Variants in AKAP8 observed in about 807,000 individuals in gnomAD.
The protein encoded by AKAP8 is A-kinase anchoring protein 8.
AKAP8 carries 24 observed loss-of-function variants against 67.5 expected under a neutral mutation model. The ratio of observed to expected loss-of-function variants is 0.36; its 90% CI spans 0.26 to 0.50. The LOEUF (loss-of-function observed/expected upper bound fraction) is 0.50. AKAP8 is among the 20% of genes least tolerant of loss of function. The probability of loss-of-function intolerance (pLI) is 0.97; values close to 1 mark genes in which losing one functional copy is unlikely to be tolerated. For missense variants in AKAP8, 971 were observed against 955.9 expected (o/e 1.02, Z -0.21); for synonymous variants, 400 against 371.1 (o/e 1.08, Z -0.90).
rs745410158 is a variant in AKAP8 at position 15,355,176 on chromosome 19, G to C, written c.1818C>G (p.Asp606Glu). Residue 606 changes from aspartate (D) to glutamate (E), a missense_variant, in exon 14 of 14, where the codon GAC becomes GAG. Physicochemically the swap from Asp to Glu is conservative, Grantham distance 45. Transcript: ENST00000269701. ...APESSGEPAE[D>E]EGPTDTAEAG... ...CCTCCGCTGTGTCCGTGGGGCCTTC[G>C]TCCTCAGCCGGCTCCCCGCTGCTCT... 3 of 1,612,098 alleles carry C rather than the reference G, an allele frequency of 1.9e-6. No individual in the cohort carries two copies. The highest frequency in any genetic ancestry group is 2.2e-5 in the South Asian group (2 of 91,090).
intron 9 of AKAP8, among the ~76,000 whole-genome samples, chr19:15,362,613 G>A (rs1306593850): frequency 1.3e-5 from 2 of 151,134 alleles, no homozygotes; most frequent in Non-Finnish European, 3.0e-5. Context: ...GCCAGCCTCG[G>A]CCTCCCGAGG....
chr19:15,359,332 A>C (rs372958584), intron 12 of AKAP8, among the ~76,000 whole-genome samples: 30 of 152,276 alleles, frequency 2.0e-4, no homozygotes, highest in African/African-American at 7.2e-4. Context: ...AAGAGCATTT[A>C]CAAATGAAAG....
At chr19:15,365,072 C>G (rs570808655) in intron 9 of AKAP8, among the ~76,000 whole-genome samples, 12 of 152,314 alleles carry the variant, frequency 7.9e-5, no homozygotes, top group African/African-American at 2.9e-4. Flanking sequence ...TGCAGCCCCT[C>G]TGGCCCCAAA....
At position 15,372,316 on chromosome 19, in the gene AKAP8, G is replaced by C. The variant is rs199931184; in HGVS notation, c.893C>G (p.Pro298Arg). 23 of 1,614,148 alleles carry C rather than the reference G, an allele frequency of 1.4e-5. No individual in the cohort carries two copies. The highest frequency in any genetic ancestry group is 1.9e-5 in the Non-Finnish European group (22 of 1,180,042). ...PKRRGFDRFG[P>R]DGTGRKRKQF... The stretch of plus-strand genomic sequence containing the variant: ...CTTCCGTTTCCTGCCCGTGCCATCT[G>C]GTCCGAAGCGGTCAAACCCTCTCCT... Residue 298 changes from proline (P) to arginine (R), a missense_variant, in exon 6 of 14, where the codon CCA (proline) becomes CGA (arginine). Coordinates refer to ENST00000269701, the MANE Select transcript of AKAP8 (RefSeq NM_005858.4).
Position 15,369,973 on chromosome 19 carries a change from A to G in AKAP8, c.1072+173T>C, listed in dbSNP as rs1967127564. 6.6e-6 allele frequency among the ~76,000 whole-genome samples: 1 copy of G among 152,104 alleles called. No homozygotes were observed. The highest frequency in any genetic ancestry group is 1.5e-5 in the Non-Finnish European group (1 of 68,018). ...GTAAATGCTGCCCCAGACACTTTGA[A>G]GCAAAGTGTTGGCTGATCGCCACGG... is the stretch of plus-strand genomic sequence containing the variant. On this transcript the variant is annotated intron_variant, in intron 8 of 13. Transcript: ENST00000269701. The surrounding 1 kb of genome is among the most constrained non-coding windows in gnomAD (Gnocchi z 4.6).
At chr19:15,355,938 G>C in intron 13 of AKAP8, among the ~76,000 whole-genome samples, 1 of 151,948 alleles carries the variant, frequency 6.6e-6, no homozygotes, top group East Asian at 1.9e-4. Context: ...GTTTCACCAT[G>C]TTGGGCAGAC....
chr19:15,374,471 C>T (rs1967217792), intron 3 of AKAP8, 132 bp downstream of exon 3: 2 of 1,112,054 alleles, frequency 1.8e-6, no homozygotes, highest in Non-Finnish European at 2.5e-6. Context: ...ACAACAGCAG[C>T]CGTGGCTGAC....
chr19:15,360,643 C>T (rs748355127), intron 12 of AKAP8, among the ~76,000 whole-genome samples: 128 of 152,216 alleles, frequency 8.4e-4, no homozygotes, highest in Non-Finnish European at 1.4e-3. Context: ...AGAATCTCAG[C>T]TACTGCATTT....
At position 15,379,435 on chromosome 19, in the gene AKAP8, T is replaced by C. The variant is rs932467292; in HGVS notation, c.19+278A>G. ...TGAGGGGCAAAAACGGCCCACACTG[T>C]CTAAGACGCCCCCACGAAGCCCACC... On this transcript the variant is annotated intron_variant, in intron 1 of 13. Transcript: ENST00000269701. 1.6e-5 allele frequency: 7 copies of C among 450,308 alleles called. No individual in the cohort carries two copies. The East Asian group carries it at 2.3e-4, about 15-fold the overall frequency. The allele number at this position is 450,308 out of a possible 1,614,324, so 27.9% of individuals were successfully genotyped here.
chr19:15,379,530 C>T, intron 1 of AKAP8, 183 bp downstream of exon 1: 2 of 594,790 alleles, frequency 3.4e-6, no homozygotes, highest in Non-Finnish European at 5.4e-6. Context: ...CACGCAGAGC[C>T]CCGGGAGCGA....
intron 8 of AKAP8, chr19:15,368,705 G>A (rs749269062): frequency 2.0e-6 from 2 of 985,282 alleles, no homozygotes; most frequent in Non-Finnish European, 2.4e-6. Context: ...CGGATGAAGA[G>A]GCGGCAGCTG....
chr19:15,366,826 C>T (rs1462454952), intron 9 of AKAP8, among the ~76,000 whole-genome samples: 2 of 152,126 alleles, frequency 1.3e-5, no homozygotes, highest in Non-Finnish European at 2.9e-5. Context: ...TCAGGCTGGT[C>T]TCGAACTCCC....
intron 1 of AKAP8, 37 bp downstream of exon 1, chr19:15,379,676 T>G (rs1360315013): frequency 6.2e-7 from 1 of 1,600,962 alleles, no homozygotes; most frequent in South Asian, 1.1e-5. Context: ...GCACAGAGCC[T>G]TCCCTCCCCG....
chr19:15,369,336 G>A lies in AKAP8; in HGVS notation c.1072+810C>T, dbSNP rs758161387. 1 of 885,660 alleles carries A rather than the reference G, an allele frequency of 1.1e-6. No homozygotes were observed. The highest frequency in any genetic ancestry group is 1.4e-6 in the Non-Finnish European group (1 of 738,880). The allele number at this position is 885,660 out of a possible 1,614,324, so 54.9% of individuals were successfully genotyped here. A position where few individuals can be genotyped will look rare whatever the true frequency, so the allele number is the denominator to read the frequency against. The stretch of plus-strand genomic sequence containing the variant: ...GGTCGCGGGGGGGAGGACCGCAGAG[G>A]GCTGGCAAAGCCTGAACAGGAGGAA... On this transcript the variant is annotated intron_variant, in intron 8 of 13. Coordinates refer to ENST00000269701, the MANE Select transcript of AKAP8 (RefSeq NM_005858.4). This position sits in a 1 kb window ranked among gnomAD's most constrained non-coding sequence, Gnocchi z 4.6.
intron 9 of AKAP8, among the ~76,000 whole-genome samples, chr19:15,363,718 C>G (rs554557602): frequency 1.3e-5 from 2 of 152,050 alleles, no homozygotes; most frequent in Non-Finnish European, 2.9e-5. Context: ...AATAGAAAGG[C>G]GGGAAAGGTG....
intron 12 of AKAP8, among the ~76,000 whole-genome samples, chr19:15,359,784 G>A (rs1318834036): frequency 6.6e-6 from 1 of 152,068 alleles, no homozygotes; most frequent in Non-Finnish European, 1.5e-5. Flanking sequence ...CTGTTTTAGA[G>A]CCTGACTTGT....
Position 15,373,093 on chromosome 19 carries a change from T to C in AKAP8, c.619A>G (p.Ser207Gly), listed in dbSNP as rs746746325. The C allele has an allele frequency of 3.1e-6, 5 of 1,611,954 alleles. No homozygotes were observed. In the East Asian group the frequency reaches 1.1e-4, roughly 36 times the overall value. Residue 207 changes from serine (S) to glycine (G), a missense_variant, in exon 5 of 14, where the codon AGC (serine) becomes GGC (glycine). Ser to Gly is a moderately conservative substitution (Grantham distance 56). Around this residue, in one of 3 missense-constraint regions of AKAP8, gnomAD observed 763 missense variants for 745.4 expected, o/e 1.02. Coordinates refer to ENST00000269701, the MANE Select transcript of AKAP8 (RefSeq NM_005858.4). ...DRSNPGTFMR[S>G]DPFVPPAASS... Reference sequence around the variant, plus strand: ...GCAGCGGGGGGCACGAAGGGGTCGCTGCGCATGAAGGTGCCAGGGTTGCTC... The same window carrying C: ...GCAGCGGGGGGCACGAAGGGGTCGCCGCGCATGAAGGTGCCAGGGTTGCTC...
At chr19:15,355,798 G>A (rs572689273) in intron 13 of AKAP8, among the ~76,000 whole-genome samples, 7 of 151,556 alleles carry the variant, frequency 4.6e-5, no homozygotes, top group African/African-American at 7.3e-5. Context: ...GTGCAATGGC[G>A]CGATCTCAGC....
chr19:15,357,290 A>G (rs1966896765), intron 13 of AKAP8, among the ~76,000 whole-genome samples: 1 of 148,880 alleles, frequency 6.7e-6, no homozygotes, highest in Non-Finnish European at 1.5e-5. Context: ...TTAGCCAGGC[A>G]TGGTGGTGGG....
Sources: gnomAD v4.1 joint callset for allele counts (sites outside exome capture counted in the v4.1 genomes callset) on GRCh38, gnomAD v4.1.1 for gene constraint, gnomAD v4.1.1 regional missense constraint, Gnocchi (gnomAD v3.1) non-coding constraint, MANE v1.5 for transcripts, NCBI Gene and HGNC (gene_info 2026-07-23, HGNC 2026-07-21) for gene names.